The following CYTH3 variants were observed in gnomAD, a reference collection of about 807,000 sequenced individuals.
CYTH3 encodes the protein cytohesin-3.
A neutral mutation model predicts 55.1 loss-of-function variants in CYTH3; 23 were observed. The observed-to-expected ratio is 0.42, with a 90% CI of 0.30 to 0.59. The LOEUF (loss-of-function observed/expected upper bound fraction) is 0.59. Ranked by LOEUF, CYTH3 falls within the 20% of genes least tolerant of loss-of-function variation. The pLI, the probability that CYTH3 is intolerant of heterozygous loss-of-function variation, is 0.20. For synonymous variants in CYTH3, 249 were observed against 194.9 expected (o/e 1.28, Z -2.31); for missense variants, 413 against 524.8 (o/e 0.79, Z 2.08).
At chr7:6,186,142 G>A (rs887146235) in intron 4 of CYTH3, among the ~76,000 whole-genome samples, 1 of 151,630 alleles carries the variant, frequency 6.6e-6, no homozygotes, top group East Asian at 1.9e-4. Flanking sequence ...TACCCGGGAG[G>A]CTGAGGCAGG....
chr7:6,198,652 T>C (rs1011538293), intron 1 of CYTH3, among the ~76,000 whole-genome samples: 1 of 151,926 alleles, frequency 6.6e-6, no homozygotes, highest in Admixed American at 6.6e-5. Flanking sequence ...GGTTTTTTCC[T>C]CCCAAGAAAT....
chr7:6,171,146 C>G lies in CYTH3; in HGVS notation c.562+56G>C. 1.2e-6 allele frequency: 2 copies of G among 1,604,260 alleles called. No homozygotes were observed. The highest frequency in any genetic ancestry group is 3.3e-5 in the Admixed American group (2 of 59,728). On this transcript the variant is annotated intron_variant, in intron 7 of 12. Coordinates refer to ENST00000350796, the MANE Select transcript of CYTH3 (RefSeq NM_004227.4). The surrounding 1 kb of genome is among the most constrained non-coding windows in gnomAD (Gnocchi z 6.7). ...GGGCTGTGCCCACAGGGGCCGCCCC[C>G]TCCAGAGCTGGAGGCTGTGCCTGGC...
intron 1 of CYTH3, among the ~76,000 whole-genome samples, chr7:6,264,929 A>G (rs1428376123): frequency 6.6e-6 from 1 of 152,242 alleles, no homozygotes; most frequent in African/African-American, 2.4e-5. Context: ...TAGAGCTGAC[A>G]GTAACAATGA....
chr7:6,257,386 CTTGA>C (rs779512135), intron 1 of CYTH3, among the ~76,000 whole-genome samples: 7 of 152,296 alleles, frequency 4.6e-5, no homozygotes, highest in South Asian at 2.1e-4. Context: ...AAAGGACATT[CTTGA>C]TTATTTTATT....
At chr7:6,190,695 T>C (rs1783780253) in intron 1 of CYTH3, among the ~76,000 whole-genome samples, 164 bp from the exon 2 acceptor site, 1 of 152,192 alleles carries the variant, frequency 6.6e-6, no homozygotes, top group African/African-American at 2.4e-5. Context: ...AGGAGCGCTC[T>C]TTATAACCAG....
Position 6,187,672 on chromosome 7 carries a change from G to C in CYTH3, c.167C>G (p.Thr56Ser). The change falls in exon 3 of 13, where the codon ACT becomes AGT. Residue 56 changes from threonine to serine, a missense_variant. By Grantham distance (58) the Thr-to-Ser change is moderately conservative. Transcript: ENST00000350796. ...AAATTGTTACCTCTCCTCTACGGAA[G>C]TTAGATTGTCGATCTCTGTCATCAC... ...AEVMTEIDNL[T>S]SVEESKTTQR... is the part of the protein sequence containing the mutation. The C allele has an allele frequency of 6.2e-7, 1 of 1,613,972 alleles. No individual in the cohort carries two copies.
intron 1 of CYTH3, among the ~76,000 whole-genome samples, chr7:6,216,711 A>T (rs1382332094): frequency 6.6e-6 from 1 of 151,986 alleles, no homozygotes; most frequent in Non-Finnish European, 1.5e-5. Flanking sequence ...ACTGCACTCC[A>T]ATCTGGGTGA....
intron 4 of CYTH3, among the ~76,000 whole-genome samples, chr7:6,183,618 G>T (rs936250541): frequency 1.3e-5 from 2 of 152,200 alleles, no homozygotes; most frequent in Non-Finnish European, 2.9e-5. Context: ...CTCTGACAAT[G>T]TCTTCATGCT....
intron 6 of CYTH3, chr7:6,173,114 G>A (rs532869021): frequency 6.1e-6 from 6 of 980,000 alleles, no homozygotes; most frequent in African/African-American, 3.5e-5. Context: ...AAGAGCCCAC[G>A]CGACTCAGCC....
At chr7:6,185,601 G>A (rs907068643) in intron 4 of CYTH3, among the ~76,000 whole-genome samples, 2 of 151,910 alleles carry the variant, frequency 1.3e-5, no homozygotes, top group Non-Finnish European at 2.9e-5. Context: ...TCGGGAGGCT[G>A]AGGCAGGAGA....
At chr7:6,257,118 A>C (rs1045140509) in intron 1 of CYTH3, among the ~76,000 whole-genome samples, 1 of 152,126 alleles carries the variant, frequency 6.6e-6, no homozygotes, top group Non-Finnish European at 1.5e-5. Context: ...ATTTTTTTTT[A>C]CATAAGGCAA....
chr7:6,232,702 C>T (rs1238154501), intron 1 of CYTH3, among the ~76,000 whole-genome samples: 1 of 152,036 alleles, frequency 6.6e-6, no homozygotes, highest in Admixed American at 6.5e-5. Context: ...TGTGTGGTCT[C>T]GGCTGCGGCT....
chr7:6,272,446 G>A (rs915604188), intron 1 of CYTH3, 28 bp downstream of exon 1: 1 of 1,319,960 alleles, frequency 7.6e-7, no homozygotes, highest in East Asian at 3.7e-5. Context: ...CAGGCCGCCG[G>A]CGAGCCCACC....
At chr7:6,237,707 T>C (rs980589669) in intron 1 of CYTH3, among the ~76,000 whole-genome samples, 1 of 151,938 alleles carries the variant, frequency 6.6e-6, no homozygotes, top group African/African-American at 2.4e-5. Flanking sequence ...AGACTCTATC[T>C]AAAAAATAAC....
chr7:6,230,961 T>G (rs1427293509), intron 1 of CYTH3, among the ~76,000 whole-genome samples: 1 of 152,240 alleles, frequency 6.6e-6, no homozygotes, highest in African/African-American at 2.4e-5. Context: ...TCAGTGATTT[T>G]GTGGCTCCAC....
intron 9 of CYTH3, among the ~76,000 whole-genome samples, chr7:6,166,266 A>G (rs1045136492): frequency 3.3e-5 from 5 of 152,206 alleles, no homozygotes; most frequent in Non-Finnish European, 4.4e-5. Context: ...ATTTTGTAAC[A>G]AGATCTGGAG....
intron 1 of CYTH3, among the ~76,000 whole-genome samples, chr7:6,225,583 C>T (rs144658151): frequency 0.028 from 4,240 of 151,848 alleles, 97 homozygotes; most frequent in Non-Finnish European, 0.041. Flanking sequence ...CTCGAACACC[C>T]GACCTCAGGT....
At chr7:6,235,940 T>C (rs1399571955) in intron 1 of CYTH3, among the ~76,000 whole-genome samples, 3 of 152,250 alleles carry the variant, frequency 2.0e-5, no homozygotes, top group Admixed American at 1.3e-4. Context: ...AGAAATTATT[T>C]TGAAATGTTT....
chr7:6,226,179 C>T (rs959138768), intron 1 of CYTH3, among the ~76,000 whole-genome samples: 4 of 152,128 alleles, frequency 2.6e-5, no homozygotes, highest in African/African-American at 7.2e-5. Flanking sequence ...CCTTTTAAAA[C>T]TGAAGGGCTC....
Sources: allele counts gnomAD v4.1 joint callset (sites outside exome capture counted in the v4.1 genomes callset), GRCh38; gene constraint gnomAD v4.1.1; non-coding constraint Gnocchi (gnomAD v3.1); transcripts MANE v1.5; gene names NCBI Gene and HGNC (gene_info 2026-07-23, HGNC 2026-07-21).